Variants in DIAPH3 observed in about 807,000 individuals in gnomAD.
The protein encoded by DIAPH3 is diaphanous related formin 3.
DIAPH3 carries 117 observed loss-of-function variants against 144.3 expected under a neutral mutation model. The ratio of observed to expected loss-of-function variants is 0.81; its 90% CI spans 0.70 to 0.95. DIAPH3 has a LOEUF of 0.95. DIAPH3 is among the 40% of genes least tolerant of loss of function. DIAPH3 has a pLI of 0.00. For missense variants in DIAPH3, 1,421 were observed against 1,412.7 expected, an observed-to-expected ratio of 1.01 and a Z score of -0.09; for synonymous variants, 519 against 488.9, an observed-to-expected ratio of 1.06 and a Z score of -0.81.
chr13:60,002,968 G>A (rs2052607892), intron 9 of DIAPH3, among the ~76,000 whole-genome samples: 1 of 152,132 alleles, frequency 6.6e-6, no homozygotes, highest in Non-Finnish European at 1.5e-5. Context: ...GAAGATTAAA[G>A]GACGGCAGAA....
intron 20 of DIAPH3, among the ~76,000 whole-genome samples, chr13:59,900,722 C>A (rs1353003924): frequency 6.6e-6 from 1 of 152,150 alleles, no homozygotes. Flanking sequence ...TTGTATGTGA[C>A]CTGTATGCTA....
chr13:59,873,340 A>G (rs989153188), intron 21 of DIAPH3, among the ~76,000 whole-genome samples: 8 of 152,192 alleles, frequency 5.3e-5, no homozygotes, highest in African/African-American at 1.9e-4. Flanking sequence ...TTTCTTAAAA[A>G]TAAATTCATA....
chr13:59,935,947 A>G (rs536298043), intron 17 of DIAPH3, among the ~76,000 whole-genome samples: 6 of 152,216 alleles, frequency 3.9e-5, no homozygotes, highest in Non-Finnish European at 7.4e-5. Flanking sequence ...ATCATAAAAA[A>G]TGTAGCAGAT....
chr13:59,922,466 C>A (rs73543291), intron 18 of DIAPH3, among the ~76,000 whole-genome samples: 16 of 151,988 alleles, frequency 1.1e-4, no homozygotes, highest in Non-Finnish European at 2.4e-4. Flanking sequence ...CCATAATATT[C>A]TCTTCAATGA....
At chr13:59,886,860 T>C (rs2045485367) in intron 20 of DIAPH3, among the ~76,000 whole-genome samples, 1 of 152,026 alleles carries the variant, frequency 6.6e-6, no homozygotes, top group African/African-American at 2.4e-5. Flanking sequence ...AAGAAAAAGA[T>C]GGTATACTTT....
At chr13:59,940,113 A>T (rs1838235976) in intron 17 of DIAPH3, among the ~76,000 whole-genome samples, 1 of 152,128 alleles carries the variant, frequency 6.6e-6, no homozygotes, top group South Asian at 2.1e-4. Context: ...TGTAACAACC[A>T]AATCTGCTAT....
intron 27 of DIAPH3, among the ~76,000 whole-genome samples, chr13:59,701,208 C>T (rs1373793290): frequency 6.6e-6 from 1 of 152,184 alleles, no homozygotes; most frequent in East Asian, 1.9e-4. Flanking sequence ...ATATCAAACT[C>T]ATAGATACTG....
intron 27 of DIAPH3, 96 bp from the exon 28 acceptor site, chr13:59,666,942 ATAAG>A: frequency 7.1e-7 from 1 of 1,400,182 alleles, no homozygotes; most frequent in South Asian, 1.2e-5. Context: ...TTCTCAATAA[ATAAG>A]TAGTCTTCTT....
intron 1 of DIAPH3, among the ~76,000 whole-genome samples, chr13:60,151,302 C>A (rs367800226): frequency 2.6e-5 from 4 of 152,168 alleles, no homozygotes; most frequent in African/African-American, 9.7e-5. Flanking sequence ...AGACTAATTA[C>A]TTCCATTTTA....
chr13:59,931,491 T>C (rs1349992516), intron 17 of DIAPH3, among the ~76,000 whole-genome samples: 1 of 152,184 alleles, frequency 6.6e-6, no homozygotes, highest in Non-Finnish European at 1.5e-5. Context: ...TTCAAAGCAC[T>C]TACTCCTTAC....
intron 20 of DIAPH3, among the ~76,000 whole-genome samples, chr13:59,904,849 C>T (rs1323722657): frequency 6.6e-6 from 1 of 151,368 alleles, no homozygotes; most frequent in African/African-American, 2.4e-5. Context: ...AGCTACAAGG[C>T]AATAAAATAG....
chr13:59,796,383 T>G (rs1279274369), intron 25 of DIAPH3, among the ~76,000 whole-genome samples: 1 of 152,348 alleles, frequency 6.6e-6, no homozygotes, highest in African/African-American at 2.4e-5. Context: ...AGTTTATGCA[T>G]GTTAATGAGC....
intron 18 of DIAPH3, 127 bp from the exon 19 acceptor site, chr13:59,916,376 T>C (rs2047224730): frequency 1.2e-5 from 9 of 748,284 alleles, no homozygotes; most frequent in Non-Finnish European, 2.0e-5. Context: ...TAATATTATG[T>C]TTGGGGGAAA....
intron 27 of DIAPH3, among the ~76,000 whole-genome samples, chr13:59,682,103 C>T (rs2032979861): frequency 6.6e-6 from 1 of 152,160 alleles, no homozygotes; most frequent in African/African-American, 2.4e-5. Context: ...CTTATCTTTG[C>T]TGTATATCTA....
intron 3 of DIAPH3, among the ~76,000 whole-genome samples, chr13:60,108,960 T>C (rs2058492942): frequency 6.6e-6 from 1 of 152,130 alleles, no homozygotes; most frequent in South Asian, 2.1e-4. Context: ...GTTCAGCATC[T>C]TTTAGAGAGC....
chr13:60,020,269 A>G (rs2053925407), intron 5 of DIAPH3, among the ~76,000 whole-genome samples: 1 of 151,972 alleles, frequency 6.6e-6, no homozygotes, highest in East Asian at 1.9e-4. Flanking sequence ...AAATAAACAC[A>G]AAGAGATGAC....
At chr13:59,939,835 CGTGTGTGTGTGTGTGTGTGT>C (rs3220859) in intron 17 of DIAPH3, among the ~76,000 whole-genome samples, 1 of 146,652 alleles carries the variant, frequency 6.8e-6, no homozygotes, top group African/African-American at 2.5e-5. Flanking sequence ...GAGAATGAGG[CGTGTGTGTGTGTGTGTGTGT>C]GTGTGTGTGT....
chr13:59,802,667 A>ATTATTATTATTATTTTTTTTT (rs1433627853), intron 25 of DIAPH3, among the ~76,000 whole-genome samples: 1 of 23,764 alleles, frequency 4.2e-5, no homozygotes, highest in African/African-American at 1.5e-4. Context: ...TATTATTATT[A>ATTATTATTATTATTTTTTTTT]TTTTTTTTTT....
intron 27 of DIAPH3, among the ~76,000 whole-genome samples, chr13:59,684,515 C>T (rs890540590): frequency 9.2e-5 from 14 of 152,140 alleles, no homozygotes; most frequent in Non-Finnish European, 1.6e-4. Context: ...ACTTCAGCAC[C>T]TTTCTTTGTT....
Sources: gnomAD v4.1 joint callset for allele counts (sites outside exome capture counted in the v4.1 genomes callset) on GRCh38, gnomAD v4.1.1 for gene constraint, MANE v1.5 for transcripts, NCBI Gene and HGNC (gene_info 2026-07-23, HGNC 2026-07-21) for gene names.